APOBEC3A: variants seen among roughly 807,000 people sequenced by gnomAD.
The protein encoded by APOBEC3A is apolipoprotein B mRNA editing enzyme catalytic subunit 3A.
APOBEC3A carries 13 observed loss-of-function variants against 23.0 expected under a neutral mutation model. The ratio of observed to expected loss-of-function variants is 0.57; its 90% CI spans 0.37 to 0.90. The LOEUF is 0.90. APOBEC3A is among the 40% of genes least tolerant of loss of function. The probability of loss-of-function intolerance (pLI) is 0.01; values close to 1 mark genes in which losing one functional copy is unlikely to be tolerated. For missense variants in APOBEC3A, 179 were observed against 264.9 expected (o/e 0.68, Z 2.25); for synonymous variants, 74 against 101.3 (o/e 0.73, Z 1.62).
At chr22:38,958,773 T>TTA (rs1569027375) in intron 1 of APOBEC3A, among the ~76,000 whole-genome samples, 5 of 33,050 alleles carry the variant, frequency 1.5e-4, no homozygotes, top group African/African-American at 1.3e-3. Flanking sequence ...CTCTTTCTCT[T>TTA]TCTTTCTTTC....
chr22:38,962,852 G>T lies in APOBEC3A; in HGVS notation c.*343G>T. 2.4e-6 allele frequency: 1 copy of T among 414,654 alleles called. No individual in the cohort carries two copies. The highest frequency in any genetic ancestry group is 4.2e-6 in the Non-Finnish European group (1 of 236,606). 25.7% of individuals were successfully genotyped at this position (414,654 alleles called of 1,614,324 possible). ...GGGCGCCTGTAGTCCCAGCTACTCT[G>T]GAGGCTGAGGCAGGAGAGTAGCGTG... On this transcript the variant is annotated 3_prime_UTR_variant, in exon 5 of 5. Coordinates refer to ENST00000249116, the MANE Select transcript of APOBEC3A (RefSeq NM_145699.4).
rs535439309 is a variant in APOBEC3A, at chr22:38,962,801, A to C, written c.*292A>C. On this transcript the variant is annotated 3_prime_UTR_variant, in exon 5 of 5. Coordinates refer to ENST00000249116, the MANE Select transcript of APOBEC3A (RefSeq NM_145699.4). ...GTGAAACCCTGTCTCTACTAAAAAT[A>C]CAAAAAATTAGCCAGGCGTGGTGGC... 212 of 671,566 alleles carry C rather than the reference A, an allele frequency of 3.2e-4. 11 individuals are homozygous for C. The African/African-American group carries it at 3.7e-3, about 12-fold the overall frequency. The allele number at this position is 671,566 out of a possible 1,614,324, so 41.6% of individuals were successfully genotyped here.
In APOBEC3A at chr22:38,961,556, A is replaced by G. The variant is rs1922884921; in HGVS notation, c.344A>G (p.Gln115Arg). ...GCAGEVRAFL[Q>R]ENTHVRLRIF... ...GCCGGGGAAGTGCGTGCGTTCCTTC[A>G]GGAGAACACACACGTGAGACTGCGT... The change falls in exon 3 of 5, where the codon CAG becomes CGG. Residue 115 changes from glutamine to arginine, a missense_variant. Gln to Arg is a conservative substitution (Grantham distance 43). This residue lies in a region of APOBEC3A where 37 missense variants were observed against 47.8 expected (regional missense o/e 0.77). Coordinates refer to ENST00000249116, the MANE Select transcript of APOBEC3A (RefSeq NM_145699.4). 4 of 1,531,514 alleles carry G rather than the reference A, an allele frequency of 2.6e-6. No individual in the cohort carries two copies. Among genetic ancestry groups the G allele is most frequent in the Non-Finnish European group, 3.6e-6 (4 of 1,118,604 alleles). 94.9% of individuals were successfully genotyped at this position (1,531,514 alleles called of 1,614,324 possible). A position where few individuals can be genotyped will look rare whatever the true frequency, so the allele number is the denominator to read the frequency against.
chr22:38,962,316 C>T (rs374860462), intron 4 of APOBEC3A, 103 bp downstream of exon 4: 1 of 1,593,426 alleles, frequency 6.3e-7, no homozygotes, highest in African/African-American at 1.3e-5. Context: ...TCTGGGTTCC[C>T]TGCTCCCCAC....
In APOBEC3A at chr22:38,961,368, ACT is replaced by A. The variant is rs1250873351; in HGVS notation, c.175-16_175-15del. The A allele has an allele frequency of 5.7e-6, 6 of 1,059,966 alleles. No individual in the cohort carries two copies. The highest frequency in any genetic ancestry group is 4.2e-5 in the South Asian group (3 of 71,762). 65.7% of individuals were successfully genotyped at this position (1,059,966 alleles called of 1,614,324 possible). ...CCCTGTTCACCACACATCACCTCACACTCTGTTTCCTTTTCTAGGCTAAGAAT... is the reference window on the plus strand; with the variant it reads ...CCCTGTTCACCACACATCACCTCACACTGTTTCCTTTTCTAGGCTAAGAAT... On this transcript the variant is annotated splice_polypyrimidine_tract_variant and intron_variant, in intron 2 of 4. Coordinates refer to ENST00000249116, the MANE Select transcript of APOBEC3A (RefSeq NM_145699.4).
At chr22:38,959,832 G>C (rs1335885619) in intron 2 of APOBEC3A, 146 bp downstream of exon 2, 1 of 1,190,448 alleles carries the variant, frequency 8.4e-7, no homozygotes, top group Non-Finnish European at 1.2e-6. Flanking sequence ...CCCTGGGGTT[G>C]GGGGGAGACT....
At position 38,961,424 on chromosome 22, in the gene APOBEC3A, C is replaced by A; in HGVS notation, c.212C>A (p.Ala71Glu). 1 of 1,345,578 alleles carries A rather than the reference C, an allele frequency of 7.4e-7. No individual in the cohort carries two copies. Among genetic ancestry groups the A allele is most frequent in the Non-Finnish European group, 1.0e-6 (1 of 963,340 alleles). The allele number at this position is 1,345,578 out of a possible 1,614,324, so 83.4% of individuals were successfully genotyped here. Residue 71 changes from alanine (A) to glutamate (E), a missense_variant, in exon 3 of 5, where the codon GCG becomes GAG. Around this residue, in one of 5 missense-constraint regions of APOBEC3A, gnomAD observed 10 missense variants for 64.3 expected, o/e 0.16. Transcript: ENST00000249116. ...NLLCGFYGRHAELRFLDLVPS... is the reference protein window; with the variant it reads ...NLLCGFYGRHEELRFLDLVPS... ...CTCTGTGGCTTTTACGGCCGCCATGCGGAGCTGCGCTTCTTGGACCTGGTT... is the reference window on the plus strand; with the variant it reads ...CTCTGTGGCTTTTACGGCCGCCATGAGGAGCTGCGCTTCTTGGACCTGGTT...
chr22:38,961,983 G>T, intron 3 of APOBEC3A, 115 bp from the exon 4 acceptor site: 3 of 1,381,814 alleles, frequency 2.2e-6, no homozygotes, highest in South Asian at 1.4e-5. Context: ...GGGAGGGAGA[G>T]GGAAAGGAGG....
At position 38,957,735 on chromosome 22, in the gene APOBEC3A, TC is replaced by T; in HGVS notation, c.29+17del. Reference sequence around the variant, plus strand: ...TCCGGGCCCAGGTATGGGAAGCCCCTCCGAGCACCTCTGCGCCTCAGCCTCC... The same window carrying T: ...TCCGGGCCCAGGTATGGGAAGCCCCTCGAGCACCTCTGCGCCTCAGCCTCC... On this transcript the variant is annotated intron_variant, in intron 1 of 4. Coordinates refer to ENST00000249116, the MANE Select transcript of APOBEC3A (RefSeq NM_145699.4). 6.2e-7 allele frequency: 1 copy of T among 1,610,528 alleles called. No individual in the cohort carries two copies. Among genetic ancestry groups the T allele is most frequent in the Non-Finnish European group, 8.5e-7 (1 of 1,178,232 alleles).
rs1188377470 is a variant in APOBEC3A, at chr22:38,959,645, T to C, written c.133T>C (p.Ser45Pro). 4 of 1,614,090 alleles carry C rather than the reference T, an allele frequency of 2.5e-6. No individual in the cohort carries two copies. In the Admixed American group the frequency reaches 6.7e-5, roughly 27 times the overall value. ...AGTGGAGCGCCTGGACAATGGCACC[T>C]CGGTCAAGATGGACCAGCACAGGGG... The part of the protein sequence containing the change: ...YEVERLDNGT[S>P]VKMDQHRGFL... The change falls in exon 2 of 5, where the codon TCG becomes CCG. Residue 45 changes from serine to proline, a missense_variant. Physicochemically the swap from Ser to Pro is moderately conservative, Grantham distance 74. Around this residue, in one of 5 missense-constraint regions of APOBEC3A, gnomAD observed 87 missense variants for 74.5 expected, o/e 1.17. Transcript: ENST00000249116.
rs151104463 is a variant in APOBEC3A at position 38,961,547 on chromosome 22, C to T, written c.335C>T (p.Ala112Val). 3.0e-4 allele frequency: 466 copies of T among 1,530,588 alleles called. 19 individuals carry two copies. The African/African-American group carries it at 5.7e-3, about 19-fold the overall frequency. The allele number at this position is 1,530,588 out of a possible 1,614,324, so 94.8% of individuals were successfully genotyped here. A position where few individuals can be genotyped will look rare whatever the true frequency, so the allele number is the denominator to read the frequency against. The change falls in exon 3 of 5, where the codon GCG (alanine) becomes GTG (valine). Residue 112 changes from alanine (A) to valine (V), a missense_variant. By Grantham distance (64) the Ala-to-Val change is moderately conservative. Transcript: ENST00000249116. ...FSWGCAGEVR[A>V]FLQENTHVRL... ...TGGGGCTGTGCCGGGGAAGTGCGTG[C>T]GTTCCTTCAGGAGAACACACACGTG...
chr22:38,958,966 TTTCCAGCCCAGGAG>T (rs1922738300), intron 1 of APOBEC3A, among the ~76,000 whole-genome samples: 1 of 152,082 alleles, frequency 6.6e-6, no homozygotes. Flanking sequence ...GGGGCTGGTG[TTTCCAGCCCAGGAG>T]TCCTGAGCTG....
At chr22:38,959,468 G>A in intron 1 of APOBEC3A, 74 bp from the exon 2 acceptor site, 3 of 1,552,542 alleles carry the variant, frequency 1.9e-6, no homozygotes, top group African/African-American at 1.4e-5. Flanking sequence ...GGGAGGAAGT[G>A]TGGGGAGGGA....
Position 38,962,725 on chromosome 22 carries a change from A to G in APOBEC3A, c.*216A>G, listed in dbSNP as rs941146600. ...CTGTAATCCCAGCACTTTGGAGGCC[A>G]AGGCGGGTGGATCACGAGGTCAGGA... On this transcript the variant is annotated 3_prime_UTR_variant, in exon 5 of 5. Coordinates refer to ENST00000249116, the MANE Select transcript of APOBEC3A (RefSeq NM_145699.4). The G allele has an allele frequency of 4.2e-5, 52 of 1,227,122 alleles. 5 individuals are homozygous for G. The highest frequency in any genetic ancestry group is 2.2e-4 in the Middle Eastern group (1 of 4,580). 76.0% of individuals were successfully genotyped at this position (1,227,122 alleles called of 1,614,324 possible).
chr22:38,962,540 AG>A lies in APOBEC3A; in HGVS notation c.*32del. 2 of 1,550,964 alleles carry A rather than the reference AG, an allele frequency of 1.3e-6. No individual in the cohort carries two copies. The highest frequency in any genetic ancestry group is 1.7e-6 in the Non-Finnish European group (2 of 1,148,426). On this transcript the variant is annotated 3_prime_UTR_variant, in exon 5 of 5. Transcript: ENST00000249116. ...GGGCCTCAGTCTCTAAGGAAGGCAG[AG>A]ACCTGGGTTGAGCAGCAGAATAAAA...
In APOBEC3A at chr22:38,957,676, G is replaced by A. The variant is rs761770893; in HGVS notation, c.-16G>A. 15 of 1,612,472 alleles carry A rather than the reference G, an allele frequency of 9.3e-6. No homozygotes were observed. The highest frequency in any genetic ancestry group is 1.7e-4 in the Middle Eastern group (1 of 6,060). ...AGCGGGAGGACACAGACCAGGAACC[G>A]AGAAGGGACAAGCACATGGAAGCCA... On this transcript the variant is annotated 5_prime_UTR_variant, in exon 1 of 5. Coordinates refer to ENST00000249116, the MANE Select transcript of APOBEC3A (RefSeq NM_145699.4).
At chr22:38,958,337 C>A (rs1028602473) in intron 1 of APOBEC3A, among the ~76,000 whole-genome samples, 2 of 143,678 alleles carry the variant, frequency 1.4e-5, no homozygotes, top group African/African-American at 5.4e-5. Context: ...TTTCTTTCTT[C>A]TTTCTTTCTC....
At position 38,962,063 on chromosome 22, in the gene APOBEC3A, C is replaced by T. The variant is rs767539779; in HGVS notation, c.470-35C>T. On this transcript the variant is annotated intron_variant, in intron 3 of 4. Transcript: ENST00000249116. ...CCTAGGTGCCACCCCGATCCCACAG[C>T]GGGAGCGTGACTTATCTCCCCTGTC... The T allele has an allele frequency of 1.6e-5, 25 of 1,587,536 alleles. 1 individual carries two copies. The highest frequency in any genetic ancestry group is 8.1e-5 in the African/African-American group (6 of 74,286).
In APOBEC3A at chr22:38,962,697, C is replaced by T. The variant is rs1294546159; in HGVS notation, c.*188C>T. ...AGAGTGGGCCGGGCGCGGTGGCTCA[C>T]GCCTGTAATCCCAGCACTTTGGAGG... On this transcript the variant is annotated 3_prime_UTR_variant, in exon 5 of 5. Coordinates refer to ENST00000249116, the MANE Select transcript of APOBEC3A (RefSeq NM_145699.4). The T allele has an allele frequency of 1.2e-5, 17 of 1,415,208 alleles. 2 individuals are homozygous for T. Among genetic ancestry groups the T allele is most frequent in the Middle Eastern group, 3.8e-4 (2 of 5,268 alleles). The allele number at this position is 1,415,208 out of a possible 1,614,324, so 87.7% of individuals were successfully genotyped here. A position where few individuals can be genotyped will look rare whatever the true frequency, so the allele number is the denominator to read the frequency against.
Sources: gnomAD v4.1 joint callset for allele counts (sites outside exome capture counted in the v4.1 genomes callset) on GRCh38, gnomAD v4.1.1 for gene constraint, gnomAD v4.1.1 regional missense constraint, MANE v1.5 for transcripts, NCBI Gene and HGNC (gene_info 2026-07-23, HGNC 2026-07-21) for gene names.